Variants in EXOC4 observed in about 807,000 individuals in gnomAD.
The protein encoded by EXOC4 is SEC8-like 1.
Under a neutral mutation model 107.2 loss-of-function variants are expected in EXOC4, and 71 were observed. The observed-to-expected ratio is 0.66, with a 90% CI of 0.55 to 0.81. EXOC4 has a LOEUF of 0.81. EXOC4 is among the 30% of genes least tolerant of loss of function. The probability of loss-of-function intolerance (pLI) is 0.00; values close to 1 mark genes in which losing one functional copy is unlikely to be tolerated. For synonymous variants in EXOC4, 456 were observed against 441.2 expected (o/e 1.03, Z -0.42); for missense variants, 1,108 against 1,189.6 (o/e 0.93, Z 1.01).
chr7:133,787,362 TGTGTGTGTGTGTGTGTGTGTGTGTGTGA>T (rs1439628747), intron 10 of EXOC4, among the ~76,000 whole-genome samples: 135 of 76,874 alleles, frequency 1.8e-3, no homozygotes, highest in South Asian at 0.013. Context: ...TGTGTGTGTG[TGTGTGTGTGTGTGTGTGTGTGTGTGTGA>T]GATGAGGTCT....
intron 9 of EXOC4, among the ~76,000 whole-genome samples, chr7:133,586,630 T>C (rs958809498): frequency 6.6e-6 from 1 of 152,184 alleles, no homozygotes; most frequent in African/African-American, 2.4e-5. Flanking sequence ...CTTTCGGGTA[T>C]ATACCCAATA....
At chr7:134,026,685 T>C (rs1296992584) in intron 17 of EXOC4, among the ~76,000 whole-genome samples, 2 of 152,152 alleles carry the variant, frequency 1.3e-5, no homozygotes, top group Non-Finnish European at 2.9e-5. Context: ...TATGGAAAGA[T>C]ATTTTTATGG....
intron 17 of EXOC4, among the ~76,000 whole-genome samples, chr7:134,044,062 G>A (rs1413487484): frequency 6.6e-6 from 1 of 152,184 alleles, no homozygotes; most frequent in Non-Finnish European, 1.5e-5. Context: ...CTCTATTTCT[G>A]ACTCATGGAT....
At position 133,357,942 on chromosome 7, in the gene EXOC4, C is replaced by T. The variant is rs527977452; in HGVS notation, c.1007+1369C>T. On this transcript the variant is annotated intron_variant, in intron 6 of 17. Coordinates refer to ENST00000253861, the MANE Select transcript of EXOC4 (RefSeq NM_021807.4). ...GTGGCTCATGCCTATAATCCCAGCACTTTGGGAGGCTGAGGTGGGCAGATT... is the reference window on the plus strand; with the variant it reads ...GTGGCTCATGCCTATAATCCCAGCATTTTGGGAGGCTGAGGTGGGCAGATT... 9.2e-5 allele frequency among the ~76,000 whole-genome samples: 14 copies of T among 152,234 alleles called. 1 individual carries two copies. The South Asian group carries it at 2.3e-3, about 25-fold the overall frequency.
intron 7 of EXOC4, among the ~76,000 whole-genome samples, chr7:133,424,005 C>T (rs1255624746): frequency 2.0e-5 from 3 of 152,138 alleles, no homozygotes; most frequent in Non-Finnish European, 4.4e-5. Context: ...TGTCTAGCTA[C>T]AGGATTGTAA....
intron 9 of EXOC4, among the ~76,000 whole-genome samples, chr7:133,587,042 C>G (rs561306098): frequency 6.6e-6 from 1 of 152,034 alleles, no homozygotes; most frequent in African/African-American, 2.4e-5. Flanking sequence ...TCATATTGGC[C>G]AGGCTGGTCT....
At chr7:133,520,573 G>C (rs1357145817) in intron 9 of EXOC4, among the ~76,000 whole-genome samples, 1 of 152,052 alleles carries the variant, frequency 6.6e-6, no homozygotes, top group Non-Finnish European at 1.5e-5. Context: ...TTTAAAAGAT[G>C]AAATATATAT....
At chr7:133,640,770 T>C (rs1323441985) in intron 10 of EXOC4, among the ~76,000 whole-genome samples, 1 of 152,200 alleles carries the variant, frequency 6.6e-6, no homozygotes, top group Non-Finnish European at 1.5e-5. Context: ...TTAACATGAG[T>C]TGCTACTTTT....
intron 9 of EXOC4, among the ~76,000 whole-genome samples, chr7:133,590,338 G>A (rs905031130): frequency 6.6e-6 from 1 of 152,010 alleles, no homozygotes; most frequent in African/African-American, 2.4e-5. Context: ...CACCTAGGAT[G>A]GAGTGCAGTG....
chr7:133,684,328 T>C (rs1794249003), intron 10 of EXOC4, among the ~76,000 whole-genome samples: 1 of 152,176 alleles, frequency 6.6e-6, no homozygotes, highest in African/African-American at 2.4e-5. Flanking sequence ...AGATTCAAAA[T>C]TGATGGTTTA....
intron 10 of EXOC4, among the ~76,000 whole-genome samples, chr7:133,810,833 C>T (rs1797209208): frequency 6.6e-6 from 1 of 151,950 alleles, no homozygotes; most frequent in Admixed American, 6.6e-5. Flanking sequence ...CAGGGTTTTA[C>T]CATGTTAGCC....
intron 17 of EXOC4, among the ~76,000 whole-genome samples, chr7:134,021,540 T>G (rs767908273): frequency 3.9e-5 from 6 of 152,124 alleles, no homozygotes; most frequent in Non-Finnish European, 8.8e-5. Context: ...ATGGAAAGGT[T>G]TTATTCAGAT....
chr7:134,007,943 A>T (rs1354961202), intron 17 of EXOC4, 108 bp downstream of exon 17: 1 of 1,028,758 alleles, frequency 9.7e-7, no homozygotes, highest in Non-Finnish European at 1.4e-6. Context: ...TTAGTTTAAA[A>T]AAAGAAAGAA....
At chr7:133,703,621 G>T (rs1794710191) in intron 10 of EXOC4, among the ~76,000 whole-genome samples, 1 of 152,148 alleles carries the variant, frequency 6.6e-6, no homozygotes, top group African/African-American at 2.4e-5. Flanking sequence ...AGACTAGTAA[G>T]AAAATCACTC....
chr7:133,786,866 A>C (rs2551025), intron 10 of EXOC4, among the ~76,000 whole-genome samples: 150,341 of 152,352 alleles, frequency 0.99, 74,220 homozygotes, highest in Middle Eastern at 1. Context: ...TAGTCCACTA[A>C]TGTATGTTCA....
intron 10 of EXOC4, among the ~76,000 whole-genome samples, chr7:133,734,818 C>A (rs1006377850): frequency 6.6e-6 from 1 of 151,814 alleles, no homozygotes; most frequent in Non-Finnish European, 1.5e-5. Flanking sequence ...TGATCCCAAG[C>A]GTTTTGGATA....
chr7:133,941,122 C>A (rs914344182), intron 14 of EXOC4, among the ~76,000 whole-genome samples: 51 of 151,814 alleles, frequency 3.4e-4, no homozygotes, highest in Non-Finnish European at 6.8e-4. Context: ...CTCAGCCTCC[C>A]TAGTAACTAG....
In EXOC4 at chr7:134,050,087, A is replaced by C. The variant is rs1171130940; in HGVS notation, c.2688-14204A>C. 3.3e-5 allele frequency among the ~76,000 whole-genome samples: 5 copies of C among 152,296 alleles called. No individual in the cohort carries two copies. In the East Asian group the frequency reaches 9.7e-4, roughly 29 times the overall value. ...GTATGTAAACACCATTTATCCTTAG[A>C]TATATTTGTGTGTTTATATACACAC... On this transcript the variant is annotated intron_variant, in intron 17 of 17. Coordinates refer to ENST00000253861, the MANE Select transcript of EXOC4 (RefSeq NM_021807.4).
chr7:133,408,725 G>A (rs370511347), intron 7 of EXOC4, among the ~76,000 whole-genome samples: 1 of 152,152 alleles, frequency 6.6e-6, no homozygotes, highest in Admixed American at 6.5e-5. Flanking sequence ...ACCTAAGTTT[G>A]TCTGACACCA....
Sources: gnomAD v4.1 joint callset for allele counts (sites outside exome capture counted in the v4.1 genomes callset) on GRCh38, gnomAD v4.1.1 for gene constraint, MANE v1.5 for transcripts, NCBI Gene and HGNC (gene_info 2026-07-23, HGNC 2026-07-21) for gene names.